RELN: variants seen among roughly 807,000 people sequenced by gnomAD.
The protein encoded by RELN is reelin.
A neutral mutation model predicts 427.6 loss-of-function variants in RELN; 108 were observed. The ratio of observed to expected loss-of-function variants is 0.25; its 90% CI spans 0.22 to 0.30. The LOEUF (loss-of-function observed/expected upper bound fraction) is 0.30. Ranked by LOEUF, RELN falls within the 10% of genes least tolerant of loss-of-function variation. The pLI is 1.00. For missense variants in RELN, 3,715 were observed against 4,302.8 expected (o/e 0.86, Z 3.82); for synonymous variants, 1,524 against 1,513.4 (o/e 1.01, Z -0.16).
chr7:103,480,190 A>T (rs1056931122), intron 63 of RELN, among the ~76,000 whole-genome samples: 2 of 152,150 alleles, frequency 1.3e-5, no homozygotes, highest in African/African-American at 4.8e-5. Flanking sequence ...AATTAAGAGA[A>T]TGCTTTCAGT....
intron 20 of RELN, among the ~76,000 whole-genome samples, chr7:103,628,827 T>C (rs543392659): frequency 6.6e-6 from 1 of 152,342 alleles, no homozygotes; most frequent in East Asian, 1.9e-4. Context: ...AGGGGCAGTA[T>C]ACACAGTGGT....
intron 2 of RELN, 47 bp from the exon 3 acceptor site, chr7:103,833,719 T>C: frequency 6.4e-7 from 1 of 1,563,102 alleles, no homozygotes. Context: ...AAAACAAAGA[T>C]CTTCCTATCA....
At position 103,843,021 on chromosome 7, in the gene RELN, C is replaced by T. The variant is rs1294608637; in HGVS notation, c.338-9349G>A. 8.5e-5 allele frequency among the ~76,000 whole-genome samples: 13 copies of T among 152,222 alleles called. No homozygotes were observed. In the South Asian group the frequency reaches 2.5e-3, roughly 29 times the overall value. On this transcript the variant is annotated intron_variant, in intron 2 of 64. Coordinates refer to ENST00000428762, the MANE Select transcript of RELN (RefSeq NM_005045.4). Reference sequence around the variant, plus strand: ...CCTATGTTTAGAACCTTGCTCACTGCCAAGGAGTTGTGGAATCTTGGGCAG... The same window carrying T: ...CCTATGTTTAGAACCTTGCTCACTGTCAAGGAGTTGTGGAATCTTGGGCAG...
Position 103,942,515 on chromosome 7 carries a change from T to C in RELN, c.227-25330A>G, listed in dbSNP as rs114130545. Among the ~76,000 whole-genome samples the C allele has an allele frequency of 2.2e-3, 340 of 152,328 alleles. 2 individuals are homozygous for C. The highest frequency in any genetic ancestry group is 7.7e-3 in the African/African-American group (321 of 41,586). ...AATCACTTAGGGGACTTGTTAGTAATGCACATTTTCAATGCTTACCAAAAA... is the reference window on the plus strand; with the variant it reads ...AATCACTTAGGGGACTTGTTAGTAACGCACATTTTCAATGCTTACCAAAAA... On this transcript the variant is annotated intron_variant, in intron 1 of 64. Coordinates refer to ENST00000428762, the MANE Select transcript of RELN (RefSeq NM_005045.4).
chr7:103,483,319 A>C (rs184141651), intron 62 of RELN, among the ~76,000 whole-genome samples: 1 of 152,308 alleles, frequency 6.6e-6, no homozygotes, highest in East Asian at 1.9e-4. Context: ...ACCTCAGTAA[A>C]ATTTCAAACT....
intron 20 of RELN, among the ~76,000 whole-genome samples, chr7:103,627,294 A>G (rs1261203089): frequency 2.0e-5 from 3 of 152,166 alleles, no homozygotes; most frequent in Non-Finnish European, 2.9e-5. Context: ...CATTTAAAAA[A>G]TGACAGCTTG....
chr7:103,586,407 A>T (rs925938518), intron 28 of RELN, among the ~76,000 whole-genome samples: 1 of 152,090 alleles, frequency 6.6e-6, no homozygotes, highest in African/African-American at 2.4e-5. Context: ...ATATATGACA[A>T]ACCCACAGCC....
chr7:103,989,069 G>T lies in RELN; in HGVS notation c.226+62C>A. Reference sequence around the variant, plus strand: ...GGCCCCTTGGAAGAAGGAAAGGGATGAGAAAGGTGCGCTGGCGGGCGCACC... The same window carrying T: ...GGCCCCTTGGAAGAAGGAAAGGGATTAGAAAGGTGCGCTGGCGGGCGCACC... On this transcript the variant is annotated intron_variant, in intron 1 of 64. Coordinates refer to ENST00000428762, the MANE Select transcript of RELN (RefSeq NM_005045.4). The surrounding 1 kb of genome is among the most constrained non-coding windows in gnomAD (Gnocchi z 4.9). 1 of 1,441,690 alleles carries T rather than the reference G, an allele frequency of 6.9e-7. No individual in the cohort carries two copies. The highest frequency in any genetic ancestry group is 9.8e-7 in the Non-Finnish European group (1 of 1,024,244). The allele number at this position is 1,441,690 out of a possible 1,614,324, so 89.3% of individuals were successfully genotyped here.
chr7:103,590,634 C>T (rs1029955242), intron 27 of RELN, among the ~76,000 whole-genome samples: 1 of 151,696 alleles, frequency 6.6e-6, no homozygotes, highest in Non-Finnish European at 1.5e-5. Context: ...TTAGATGAAA[C>T]AGCTGAGTGT....
At chr7:103,672,886 T>C (rs1475908278) in intron 11 of RELN, among the ~76,000 whole-genome samples, 2 of 152,170 alleles carry the variant, frequency 1.3e-5, no homozygotes, top group African/African-American at 4.8e-5. Context: ...TACTGATGCA[T>C]GAAATATCCC....
intron 30 of RELN, among the ~76,000 whole-genome samples, 176 bp from the exon 31 acceptor site, chr7:103,572,436 A>G (rs961790908): frequency 1.3e-5 from 2 of 152,236 alleles, no homozygotes; most frequent in African/African-American, 4.8e-5. Flanking sequence ...TTCTGTAACC[A>G]TTTAGAAGAA....
chr7:103,806,389 A>T (rs2116326414), intron 3 of RELN, among the ~76,000 whole-genome samples: 1 of 152,084 alleles, frequency 6.6e-6, no homozygotes, highest in Middle Eastern at 3.4e-3. Flanking sequence ...CAATGGCGTG[A>T]TCTCAGCTCA....
At chr7:103,691,102 T>A (rs1374198143) in intron 10 of RELN, among the ~76,000 whole-genome samples, 1 of 152,102 alleles carries the variant, frequency 6.6e-6, no homozygotes, top group Non-Finnish European at 1.5e-5. Flanking sequence ...TACATCTATT[T>A]CATATTAATT....
chr7:103,743,123 A>G (rs558905519), intron 6 of RELN, among the ~76,000 whole-genome samples: 1 of 151,662 alleles, frequency 6.6e-6, no homozygotes, highest in East Asian at 1.9e-4. Flanking sequence ...TTCTTAAAGA[A>G]AAGAATTTTC....
chr7:103,767,204 T>C (rs895785960), intron 4 of RELN, among the ~76,000 whole-genome samples: 1 of 152,212 alleles, frequency 6.6e-6, no homozygotes, highest in Non-Finnish European at 1.5e-5. Context: ...ACTGTGTAGA[T>C]TTAGGGCACC....
chr7:103,757,971 C>G (rs1791203579), intron 4 of RELN, among the ~76,000 whole-genome samples: 1 of 152,088 alleles, frequency 6.6e-6, no homozygotes, highest in Non-Finnish European at 1.5e-5. Flanking sequence ...AACTGAATTT[C>G]TACATTTTTT....
At chr7:103,489,215 T>TGTGTGTGTGCGCGCGCACGCGC (rs1562846019) in intron 60 of RELN, among the ~76,000 whole-genome samples, 4 of 151,446 alleles carry the variant, frequency 2.6e-5, no homozygotes, top group African/African-American at 9.7e-5. Flanking sequence ...TGTGTGTGTG[T>TGTGTGTGTGCGCGCGCACGCGC]GTGTGTGTGT....
chr7:103,813,044 G>T (rs6465937), intron 3 of RELN, among the ~76,000 whole-genome samples: 66,173 of 151,870 alleles, frequency 0.44, 15,229 homozygotes, highest in South Asian at 0.56. Flanking sequence ...ACATCTCTCC[G>T]TTTAGTATCA....
Position 103,765,575 on chromosome 7 carries a change from G to A in RELN, c.544+10982C>T, listed in dbSNP as rs531164260. 9.9e-5 allele frequency among the ~76,000 whole-genome samples: 15 copies of A among 152,222 alleles called. 1 individual carries two copies. The South Asian group carries it at 2.1e-3, about 21-fold the overall frequency. On this transcript the variant is annotated intron_variant, in intron 4 of 64. Transcript: ENST00000428762. ...CACACGTACATTAAAAATAATGTTG[G>A]ATTAATAAACTGGATGAAATAATAT... is the stretch of plus-strand genomic sequence containing the variant.
Sources: allele counts gnomAD v4.1 joint callset (sites outside exome capture counted in the v4.1 genomes callset), GRCh38; gene constraint gnomAD v4.1.1; non-coding constraint Gnocchi (gnomAD v3.1); transcripts MANE v1.5; gene names NCBI Gene and HGNC (gene_info 2026-07-23, HGNC 2026-07-21).